The following OPRM1 variants were observed in gnomAD, a reference collection of about 807,000 sequenced individuals.
OPRM1 encodes the protein mu-type opioid receptor.
A neutral mutation model predicts 31.8 loss-of-function variants in OPRM1; 27 were observed. The ratio of observed to expected loss-of-function variants is 0.85; its 90% confidence interval spans 0.63 to 1.17. The LOEUF (loss-of-function observed/expected upper bound fraction) is 1.17. Among genes scored for constraint, OPRM1 ranks in the 50% most tolerant of loss-of-function variants. The probability of loss-of-function intolerance (pLI) is 0.00; values close to 1 mark genes in which losing one functional copy is unlikely to be tolerated. For synonymous variants in OPRM1, 196 were observed against 189.9 expected, an observed-to-expected ratio of 1.03 and a Z score of -0.26; for missense variants, 536 against 511.1, an observed-to-expected ratio of 1.05 and a Z score of -0.47.
intron 3 of OPRM1, among the ~76,000 whole-genome samples, chr6:154,096,865 A>G (rs990329095): frequency 6.6e-6 from 1 of 152,238 alleles, no homozygotes; most frequent in Admixed American, 6.5e-5. Context: ...CAGAAAATGT[A>G]AGTTCTTAAG....
At chr6:154,216,339 G>T (rs790256) in intron 3 of OPRM1, among the ~76,000 whole-genome samples, 89,559 of 151,868 alleles carry the variant, frequency 0.59, 26,887 homozygotes, top group South Asian at 0.76. Flanking sequence ...ACCTGGAAAA[G>T]ATATGAACAA....
Position 154,119,216 on chromosome 6 carries a change from A to G in OPRM1, c.*495A>G. The G allele has an allele frequency of 2.0e-6, 2 of 985,910 alleles. No homozygotes were observed. Among genetic ancestry groups the G allele is most frequent in the Non-Finnish European group, 2.4e-6 (2 of 830,018 alleles). The allele number at this position is 985,910 out of a possible 1,614,324, so 61.1% of individuals were successfully genotyped here. The stretch of plus-strand genomic sequence containing the variant: ...TATTCTATTTTAGACTTTTAACTTC[A>G]CCTTAAAATTAGCATCTGGCTAAGG... On this transcript the variant is annotated 3_prime_UTR_variant, in exon 4 of 4. Transcript: ENST00000330432.
upstream of OPRM1, chr6:154,039,046 G>C: frequency 4.0e-6 from 5 of 1,258,546 alleles, no homozygotes; most frequent in Non-Finnish European, 5.4e-6. Context: ...CAGATTTTAA[G>C]GAGAAAAAGG....
chr6:154,217,684 A>G (rs1778524327), intron 3 of OPRM1, among the ~76,000 whole-genome samples: 1 of 152,250 alleles, frequency 6.6e-6, no homozygotes, highest in Non-Finnish European at 1.5e-5. Flanking sequence ...AAAATTGACC[A>G]GGCAAAACAT....
intron 3 of OPRM1, among the ~76,000 whole-genome samples, chr6:154,219,985 AGTGTGT>A (rs57450665): frequency 0.087 from 12,203 of 140,014 alleles, 751 homozygotes; most frequent in East Asian, 0.27. Context: ...ACCTGTAAGG[AGTGTGT>A]GTGTGTGTGT....
Position 154,096,581 on chromosome 6 carries a change from C to T in OPRM1, c.1164+5109C>T, listed in dbSNP as rs142472772. On this transcript the variant is annotated intron_variant, in intron 3 of 3. Coordinates refer to ENST00000330432, the MANE Select transcript of OPRM1 (RefSeq NM_000914.5). ...CCACTATAATAATAATGCTGCCTTACATTTATATGGCAATGTACAGATTCA... is the reference window on the plus strand; with the variant it reads ...CCACTATAATAATAATGCTGCCTTATATTTATATGGCAATGTACAGATTCA... 2.2e-4 allele frequency among the ~76,000 whole-genome samples: 34 copies of T among 152,166 alleles called. 1 individual carries two copies. Among genetic ancestry groups the T allele is most frequent in the Admixed American group, 2.1e-3 (32 of 15,284 alleles).
At chr6:154,241,887 C>T (rs1279135805) in intron 3 of OPRM1, among the ~76,000 whole-genome samples, 1 of 152,230 alleles carries the variant, frequency 6.6e-6, no homozygotes, top group Admixed American at 6.5e-5. Context: ...CCCCCATTCA[C>T]TGGCCCTAAG....
At chr6:154,108,084 G>A (rs780294864) in intron 3 of OPRM1, 2 of 642,976 alleles carry the variant, frequency 3.1e-6, no homozygotes, top group Non-Finnish European at 5.7e-6. Flanking sequence ...AGGCTTCTGG[G>A]TTCCCTTTCC....
intron 1 of OPRM1, among the ~76,000 whole-genome samples, chr6:154,075,611 A>G (rs1016153868): frequency 1.3e-5 from 2 of 152,066 alleles, no homozygotes; most frequent in Non-Finnish European, 2.9e-5. Context: ...GCCACCATGC[A>G]TAGCTGATTT....
chr6:154,236,465 T>C (rs976674949), intron 3 of OPRM1, among the ~76,000 whole-genome samples: 1 of 152,142 alleles, frequency 6.6e-6, no homozygotes, highest in South Asian at 2.1e-4. Flanking sequence ...GTTCTGGAGA[T>C]GGATGATGCT....
At chr6:154,144,321 A>G (rs1365147123) in intron 3 of OPRM1, among the ~76,000 whole-genome samples, 3 of 152,252 alleles carry the variant, frequency 2.0e-5, no homozygotes, top group Non-Finnish European at 4.4e-5. Context: ...TTTCAAAGCT[A>G]CTGTTATATT....
At chr6:154,070,481 G>A (rs1291263080) in intron 1 of OPRM1, among the ~76,000 whole-genome samples, 3 of 152,186 alleles carry the variant, frequency 2.0e-5, no homozygotes, top group Non-Finnish European at 4.4e-5. Flanking sequence ...GAAAGGCTGT[G>A]ATGAAGATCA....
chr6:154,061,448 A>G (rs746988163), intron 1 of OPRM1, among the ~76,000 whole-genome samples: 2 of 152,170 alleles, frequency 1.3e-5, no homozygotes, highest in Non-Finnish European at 2.9e-5. Context: ...CTTGGCAAAA[A>G]TAAAAATAAG....
At chr6:154,160,488 A>G (rs575464949) in intron 3 of OPRM1, among the ~76,000 whole-genome samples, 3 of 152,384 alleles carry the variant, frequency 2.0e-5, no homozygotes, top group Admixed American at 1.3e-4. Context: ...AGATTTTATT[A>G]AATTATCTTT....
Position 154,015,295 on chromosome 6 carries a change from CAG to C in OPRM1, c.-1+4283_-1+4284del, listed in dbSNP as rs1203939637. Among the ~76,000 whole-genome samples, 6 of 152,072 alleles carry C rather than the reference CAG, an allele frequency of 3.9e-5. No homozygotes were observed. The East Asian group carries it at 9.6e-4, about 24-fold the overall frequency. ...GTGTAGAATGTGTTATGTAAAAAGACAGAGAGACTAATGGCACAAAATTTAAA... is the reference window on the plus strand; with the variant it reads ...GTGTAGAATGTGTTATGTAAAAAGACAGAGACTAATGGCACAAAATTTAAA... On this transcript the variant is annotated intron_variant, in intron 1 of 5. Transcript: ENST00000434900.
At position 154,128,676 on chromosome 6, in the gene OPRM1, G is replaced by A. The variant is rs926788854; in HGVS notation, c.*9955G>A. Among the ~76,000 whole-genome samples, 9 of 152,076 alleles carry A rather than the reference G, an allele frequency of 5.9e-5. No individual in the cohort carries two copies. Among genetic ancestry groups the A allele is most frequent in the African/African-American group, 2.2e-4 (9 of 41,402 alleles). On this transcript the variant is annotated 3_prime_UTR_variant, in exon 4 of 4. Coordinates refer to ENST00000330432, the MANE Select transcript of OPRM1 (RefSeq NM_000914.5). ...TGAAGCAATCATACTGGTTGTTCTC[G>A]AACTAGCTGGTTTCCCAGAGACAGC...
rs1366112237 is a variant in OPRM1 at position 154,210,936 on chromosome 6, G to GTTATTTT, written c.1165-35756_1165-35755insTATTTTT. Among the ~76,000 whole-genome samples the GTTATTTT allele has an allele frequency of 1.3e-4, 20 of 152,204 alleles. No individual in the cohort carries two copies. The South Asian group carries it at 4.1e-3, about 32-fold the overall frequency. Reference sequence around the variant, plus strand: ...CTGACAGTGTGAAAAAACAGTAGAGGTCATTATTTAAATAATCAATATAAT... The same window carrying GTTATTTT: ...CTGACAGTGTGAAAAAACAGTAGAGGTTATTTTTCATTATTTAAATAATCAATATAAT... On this transcript the variant is annotated intron_variant, in intron 3 of 3. Transcript: ENST00000337049.
intron 3 of OPRM1, chr6:154,221,160 T>C: frequency 1.2e-6 from 1 of 830,090 alleles, no homozygotes; most frequent in South Asian, 1.7e-5. Context: ...AGAAATAAAA[T>C]AATAATTGAT....
At chr6:154,011,334 C>G (rs1777716040) in intron 1 of OPRM1, among the ~76,000 whole-genome samples, 1 of 152,074 alleles carries the variant, frequency 6.6e-6, no homozygotes, top group East Asian at 1.9e-4. Context: ...CTTTATCAGA[C>G]AGTTGGCAGT....
Sources: gnomAD v4.1 joint callset for allele counts (sites outside exome capture counted in the v4.1 genomes callset) on GRCh38, gnomAD v4.1.1 for gene constraint, MANE v1.5 for transcripts, NCBI Gene and HGNC (gene_info 2026-07-23, HGNC 2026-07-21) for gene names.